The following IL1RAPL2 variants were observed in gnomAD, a reference collection of about 807,000 sequenced individuals.
IL1RAPL2 encodes interleukin 1 receptor accessory protein like 2.
Under a neutral mutation model 44.1 loss-of-function variants are expected in IL1RAPL2, and 3 were observed. That is an observed-to-expected ratio of 0.07 (90% CI 0.03 to 0.18). The LOEUF (loss-of-function observed/expected upper bound fraction) is 0.18, where lower values mean the gene tolerates loss of function less well. Among genes scored for constraint, IL1RAPL2 ranks in the 10% least tolerant of loss-of-function variants. The pLI is 1.00. For synonymous variants in IL1RAPL2, 181 were observed against 178.8 expected, an observed-to-expected ratio of 1.01 and a Z score of -0.10; for missense variants, 391 against 496.4, an observed-to-expected ratio of 0.79 and a Z score of 2.02.
At chrX:105,283,887 T>C (rs1432555572) in intron 5 of IL1RAPL2, among the ~76,000 whole-genome samples, 1 of 111,249 alleles carries the variant, frequency 9.0e-6, no homozygotes, top group Non-Finnish European at 1.9e-5. Context: ...AGGCCCTATG[T>C]TACATATTTT....
chrX:105,350,684 C>A (rs1292747365), intron 5 of IL1RAPL2, among the ~76,000 whole-genome samples: 1 of 111,919 alleles, frequency 8.9e-6, no homozygotes, highest in Non-Finnish European at 1.9e-5. Flanking sequence ...AGATCATGCC[C>A]TCGCACTCCA....
chrX:105,709,711 C>T (rs1241941585), intron 6 of IL1RAPL2, among the ~76,000 whole-genome samples: 1 of 111,314 alleles, frequency 9.0e-6, no homozygotes, highest in Non-Finnish European at 1.9e-5. Context: ...ACATTTGGTA[C>T]CCTTAAATGT....
intron 4 of IL1RAPL2, among the ~76,000 whole-genome samples, chrX:105,246,864 T>A (rs2034223839): frequency 9.0e-6 from 1 of 111,144 alleles, no homozygotes; most frequent in East Asian, 2.9e-4. Flanking sequence ...AAAGTGATAA[T>A]ATGGCACATC....
chrX:105,691,466 G>C (rs1313287819), intron 6 of IL1RAPL2, among the ~76,000 whole-genome samples: 1 of 111,583 alleles, frequency 9.0e-6, no homozygotes, highest in Non-Finnish European at 1.9e-5. Context: ...TCACTAAATA[G>C]TCATACCACA....
At chrX:105,274,943 G>A (rs2034474405) in intron 5 of IL1RAPL2, among the ~76,000 whole-genome samples, 1 of 112,085 alleles carries the variant, frequency 8.9e-6, no homozygotes, top group Admixed American at 9.5e-5. Flanking sequence ...AGGTGTGGTG[G>A]CTCATGCCAG....
chrX:104,665,158 A>T (rs987130830), intron 2 of IL1RAPL2, among the ~76,000 whole-genome samples: 24 of 111,254 alleles, frequency 2.2e-4, no homozygotes, highest in African/African-American at 5.9e-4. Flanking sequence ...AATACATAAA[A>T]TTTTTACATC....
chrX:105,078,159 T>G (rs915258368), intron 2 of IL1RAPL2, among the ~76,000 whole-genome samples: 5 of 111,686 alleles, frequency 4.5e-5, no homozygotes, highest in Non-Finnish European at 7.5e-5. Flanking sequence ...CCCATCTTTG[T>G]GGCTTTATCT....
intron 5 of IL1RAPL2, among the ~76,000 whole-genome samples, chrX:105,311,639 CACATAT>C (rs1433033280): frequency 3.5e-4 from 34 of 97,544 alleles, no homozygotes; most frequent in African/African-American, 1.4e-3. Context: ...CACACACACA[CACATAT>C]ATATATATAT....
At chrX:104,640,897 A>G (rs1929921310) in intron 1 of IL1RAPL2, among the ~76,000 whole-genome samples, 1 of 112,419 alleles carries the variant, frequency 8.9e-6, no homozygotes, top group African/African-American at 3.2e-5. Flanking sequence ...TGGCAGGCCA[A>G]GTATGCCTGT....
intron 1 of IL1RAPL2, among the ~76,000 whole-genome samples, chrX:104,607,515 A>G (rs1322915770): frequency 8.9e-6 from 1 of 112,239 alleles, no homozygotes; most frequent in East Asian, 2.8e-4. Context: ...TCCAGAATCT[A>G]CAAAGAATTT....
intron 2 of IL1RAPL2, among the ~76,000 whole-genome samples, chrX:105,012,639 T>A (rs376204265): frequency 3.1e-3 from 198 of 63,450 alleles, no homozygotes; most frequent in African/African-American, 0.013. Flanking sequence ...TCTCTCTCTC[T>A]CTCTCTCACA....
At chrX:105,689,457 G>A (rs1011743307) in intron 6 of IL1RAPL2, among the ~76,000 whole-genome samples, 8 of 111,996 alleles carry the variant, frequency 7.1e-5, no homozygotes, top group African/African-American at 1.9e-4. Context: ...GCCAACAGAC[G>A]CATGAAAAAC....
intron 5 of IL1RAPL2, among the ~76,000 whole-genome samples, chrX:105,482,848 T>C (rs1464676552): frequency 9.0e-6 from 1 of 110,636 alleles, no homozygotes; most frequent in Non-Finnish European, 1.9e-5. Flanking sequence ...AACATTTCTT[T>C]TTAGTAGGTA....
intron 1 of IL1RAPL2, among the ~76,000 whole-genome samples, chrX:104,654,511 G>A (rs978187202): frequency 3.4e-4 from 38 of 111,013 alleles, no homozygotes; most frequent in African/African-American, 1.2e-3. Context: ...AGCATAGGCA[G>A]CAAGGAGGAG....
chrX:105,648,656 T>C (rs1036174322), intron 6 of IL1RAPL2, among the ~76,000 whole-genome samples: 4 of 111,923 alleles, frequency 3.6e-5, no homozygotes, highest in African/African-American at 1.3e-4. Flanking sequence ...TTGTAGAGTT[T>C]GCTATACTAA....
chrX:105,403,986 A>G (rs1377607909), intron 5 of IL1RAPL2, among the ~76,000 whole-genome samples: 1 of 112,219 alleles, frequency 8.9e-6, no homozygotes, highest in Non-Finnish European at 1.9e-5. Flanking sequence ...TTAGAAGGCA[A>G]ACTTCTTATA....
intron 6 of IL1RAPL2, among the ~76,000 whole-genome samples, chrX:105,511,911 C>T (rs2001044): frequency 0.22 from 23,936 of 110,604 alleles, 6,313 homozygotes; most frequent in African/African-American, 0.75. Flanking sequence ...TTAGGAACTA[C>T]GTTTATACAG....
At chrX:104,961,284 A>G (rs2030001391) in intron 2 of IL1RAPL2, among the ~76,000 whole-genome samples, 1 of 111,813 alleles carries the variant, frequency 8.9e-6, no homozygotes, top group African/African-American at 3.3e-5. Flanking sequence ...GCTGCCTTGA[A>G]GTAGGATCAC....
intron 6 of IL1RAPL2, among the ~76,000 whole-genome samples, chrX:105,512,051 TCTCTCTAATTTCAGTC>T (rs1393987991): frequency 9.0e-6 from 1 of 111,007 alleles, no homozygotes; most frequent in Non-Finnish European, 1.9e-5. Context: ...TAATGTCTTT[TCTCTCTAATTTCAGTC>T]CTCTCTAATT....
Sources: gnomAD v4.1 joint callset for allele counts (sites outside exome capture counted in the v4.1 genomes callset) on GRCh38, gnomAD v4.1.1 for gene constraint, MANE v1.5 for transcripts, NCBI Gene and HGNC (gene_info 2026-07-23, HGNC 2026-07-21) for gene names.